ASMT: variants seen among roughly 807,000 people sequenced by gnomAD.
ASMT encodes acetylserotonin N-methyltransferase.
In ASMT, 53 loss-of-function variants were observed where a neutral mutation model predicts 41.3. That is an observed-to-expected ratio of 1.28 (90% CI 1.03 to 1.61). The LOEUF (loss-of-function observed/expected upper bound fraction) is 1.61. Among genes scored for constraint, ASMT ranks in the 40% most tolerant of loss-of-function variants. The pLI, the probability that ASMT is intolerant of heterozygous loss-of-function variation, is 0.00. For synonymous variants in ASMT, 231 were observed against 184.8 expected, an observed-to-expected ratio of 1.25 and a Z score of -2.03; for missense variants, 531 against 441.3, an observed-to-expected ratio of 1.20 and a Z score of -1.82.
In ASMT at chrX:1,641,352, T is replaced by G. The variant is rs191254276; in HGVS notation, c.911-1451T>G. Among the ~76,000 whole-genome samples the G allele has an allele frequency of 8.9e-3, 909 of 101,872 alleles. 143 individuals carry two copies. Among genetic ancestry groups the G allele is most frequent in the Admixed American group, 0.015 (126 of 8,546 alleles). The allele number at this position is 101,872 out of a possible 152,430, so 66.8% of individuals were successfully genotyped here. A position where few individuals can be genotyped will look rare whatever the true frequency, so the allele number is the denominator to read the frequency against. ...GATCCATTAGGATGTGGACACAGCC[T>G]CTGTGTGTGTGATAGGGACCATGTC... On this transcript the variant is annotated intron_variant, in intron 8 of 8. Transcript: ENST00000381241.
intron 1 of ASMT, among the ~76,000 whole-genome samples, chrX:1,620,758 G>T (rs180915084): frequency 1.3e-5 from 2 of 152,116 alleles, no homozygotes; most frequent in East Asian, 3.9e-4. Flanking sequence ...GCATGGTGGC[G>T]GGCACCTGTA....
chrX:1,623,989 G>GT (rs1434301323), intron 2 of ASMT, among the ~76,000 whole-genome samples: 1 of 152,048 alleles, frequency 6.6e-6, no homozygotes, highest in Non-Finnish European at 1.5e-5. Flanking sequence ...TGTAACGTAC[G>GT]TTTCCTCTCG....
chrX:1,624,368 G>A lies in ASMT; in HGVS notation c.344G>A (p.Arg115Gln), dbSNP rs780967376. ...MLKYMGRTSY[R>Q]CWGHLADAVR... is the part of the protein sequence containing the mutation. The stretch of plus-strand genomic sequence containing the variant: ...AAGTACATGGGCAGGACCAGCTACC[G>A]GTGCTGGGGCCACCTGGCAGACGCC... The change falls in exon 3 of 9, where the codon CGG (arginine) becomes CAG (glutamine). Residue 115 changes from arginine (R) to glutamine (Q), a missense_variant. Coordinates refer to ENST00000381241, the MANE Select transcript of ASMT (RefSeq NM_001171038.2). 8.1e-6 allele frequency: 13 copies of A among 1,613,754 alleles called. No homozygotes were observed. Among genetic ancestry groups the A allele is most frequent in the South Asian group, 4.4e-5 (4 of 91,066 alleles).
chrX:1,623,984 C>T (rs1467887922), intron 2 of ASMT, among the ~76,000 whole-genome samples: 3 of 152,130 alleles, frequency 2.0e-5, no homozygotes, highest in Admixed American at 6.6e-5. Context: ...TGGAATGTAA[C>T]GTACGTTTCC....
intron 1 of ASMT, among the ~76,000 whole-genome samples, chrX:1,618,522 A>C (rs1934220258): frequency 6.7e-6 from 1 of 149,642 alleles, no homozygotes; most frequent in Non-Finnish European, 1.5e-5. Flanking sequence ...CTGGTCTTGA[A>C]CTCCTGACCT....
Position 1,642,886 on chromosome X carries a change from C to T in ASMT, c.994C>T (p.Leu332Phe), listed in dbSNP as rs201741679. 7 of 1,613,992 alleles carry T rather than the reference C, an allele frequency of 4.3e-6. No homozygotes were observed. The highest frequency in any genetic ancestry group is 5.1e-6 in the Non-Finnish European group (6 of 1,179,864). Reference protein sequence around the residue: ...LLTQLYSLNMLVQTEGQERTP... With the variant: ...LLTQLYSLNMFVQTEGQERTP... ...CACGCAGCTCTACTCTCTGAACATGCTTGTGCAGACGGAAGGGCAGGAGAG... is the reference window on the plus strand; with the variant it reads ...CACGCAGCTCTACTCTCTGAACATGTTTGTGCAGACGGAAGGGCAGGAGAG... The change falls in exon 9 of 9, where the codon CTT becomes TTT. Residue 332 changes from leucine to phenylalanine, a missense_variant. Transcript: ENST00000381241.
chrX:1,623,440 ATAC>A, intron 2 of ASMT, 127 bp downstream of exon 2: 1 of 1,247,420 alleles, frequency 8.0e-7, no homozygotes, highest in Non-Finnish European at 1.1e-6. Context: ...ACTAAAAAAA[ATAC>A]AAAAAATTAG....
chrX:1,619,170 C>T (rs1404076588), intron 1 of ASMT, among the ~76,000 whole-genome samples: 11 of 151,874 alleles, frequency 7.2e-5, no homozygotes, highest in East Asian at 1.9e-4. Flanking sequence ...CCGAGGCGGG[C>T]GGATCACAAG....
At chrX:1,629,791 C>T (rs774412444) in intron 4 of ASMT, 30 bp from the exon 5 acceptor site, 3 of 1,605,128 alleles carry the variant, frequency 1.9e-6, no homozygotes, top group East Asian at 2.2e-5. Context: ...AGATCCTCAC[C>T]ATCTTGACAA....
chrX:1,642,999 T>C lies in ASMT; in HGVS notation c.1107T>C (p.Ile369=). 6.2e-7 allele frequency: 1 copy of C among 1,613,976 alleles called. No homozygotes were observed. The highest frequency in any genetic ancestry group is 8.5e-7 in the Non-Finnish European group (1 of 1,179,864). The change falls in exon 9 of 9, where the codon ATT becomes ATC. Residue 369 remains isoleucine, a synonymous_variant. Coordinates refer to ENST00000381241, the MANE Select transcript of ASMT (RefSeq NM_001171038.2). The stretch of plus-strand genomic sequence containing the variant: ...AAACAGGAGCCATTTATGATGCCAT[T>C]TTAGCCAGGAAATAACTGTTTCTTG... ...FKKTGAIYDA[I]LARK is the part of the protein sequence containing the mutation.
At chrX:1,630,461 C>A (rs1212190640) in intron 5 of ASMT, among the ~76,000 whole-genome samples, 3 of 152,054 alleles carry the variant, frequency 2.0e-5, no homozygotes, top group Non-Finnish European at 4.4e-5. Context: ...GCGCACCACT[C>A]TGTCAGGCTA....
rs191790615 is a variant in ASMT at position 1,642,754 on chromosome X, T to A, written c.911-49T>A. 2.2e-4 allele frequency: 342 copies of A among 1,568,340 alleles called. 4 individuals are homozygous for A. In the East Asian group the frequency reaches 7.5e-3, roughly 35 times the overall value. On this transcript the variant is annotated intron_variant, in intron 8 of 8. Transcript: ENST00000381241. Reference sequence around the variant, plus strand: ...ATGGTTCACTGGGACTTTGGCACAGTCTGTCTGTGTGTTTGTGTGTGATGT... The same window carrying A: ...ATGGTTCACTGGGACTTTGGCACAGACTGTCTGTGTGTTTGTGTGTGATGT...
intron 8 of ASMT, among the ~76,000 whole-genome samples, chrX:1,641,533 G>T (rs1290783955): frequency 4.7e-5 from 7 of 149,014 alleles, no homozygotes; most frequent in African/African-American, 1.7e-4. Context: ...TGTGTGTTGG[G>T]GACAGTGTCC....
chrX:1,633,367 A>G, intron 7 of ASMT, 77 bp downstream of exon 7: 1 of 1,586,688 alleles, frequency 6.3e-7, no homozygotes, highest in East Asian at 2.2e-5. Flanking sequence ...TGGGAAATGA[A>G]GAAGATGTGA....
intron 1 of ASMT, among the ~76,000 whole-genome samples, chrX:1,617,686 G>A (rs1934187883): frequency 6.6e-6 from 1 of 150,744 alleles, no homozygotes; most frequent in Non-Finnish European, 1.5e-5. Flanking sequence ...CGCTATCTCG[G>A]CTCACTGCAA....
rs756221219 is a variant in ASMT, at chrX:1,636,463, G to A, written c.813G>A (p.Pro271=). Residue 271 remains proline (P), a synonymous_variant, in exon 8 of 9, where the codon CCG becomes CCA. Coordinates refer to ENST00000381241, the MANE Select transcript of ASMT (RefSeq NM_001171038.2). ...GGGATTTCTTCAAAGACCCTCTTCC[G>A]GAAGCTGATCTGTACATCCTGGCCA... The part of the protein sequence containing the change: ...QEGDFFKDPL[P]EADLYILARV... 7.4e-5 allele frequency: 119 copies of A among 1,613,876 alleles called. No individual in the cohort carries two copies. Among genetic ancestry groups the A allele is most frequent in the South Asian group, 2.6e-4 (24 of 91,076 alleles).
chrX:1,621,538 G>A (rs1280607603), intron 1 of ASMT, among the ~76,000 whole-genome samples: 1 of 152,004 alleles, frequency 6.6e-6, no homozygotes, highest in Non-Finnish European at 1.5e-5. Flanking sequence ...GGTTAGCCCT[G>A]AACTCCTGAC....
chrX:1,642,904 C>G lies in ASMT; in HGVS notation c.1012C>G (p.Gln338Glu). The G allele has an allele frequency of 6.2e-7, 1 of 1,613,968 alleles. No individual in the cohort carries two copies. The part of the protein sequence containing the change: ...SLNMLVQTEG[Q>E]ERTPTHYHML... Reference sequence around the variant, plus strand: ...GAACATGCTTGTGCAGACGGAAGGGCAGGAGAGGACCCCCACCCACTACCA... The same window carrying G: ...GAACATGCTTGTGCAGACGGAAGGGGAGGAGAGGACCCCCACCCACTACCA... Residue 338 changes from glutamine to glutamate, a missense_variant, in exon 9 of 9, where the codon CAG becomes GAG. Physicochemically the swap from Gln to Glu is conservative, Grantham distance 29. Transcript: ENST00000381241.
chrX:1,623,584 G>A (rs1201425539), intron 2 of ASMT, among the ~76,000 whole-genome samples: 3 of 152,154 alleles, frequency 2.0e-5, no homozygotes, highest in Admixed American at 6.5e-5. Context: ...GGGCGACAGA[G>A]CGAGACTCCA....
Sources: allele counts gnomAD v4.1 joint callset (sites outside exome capture counted in the v4.1 genomes callset), GRCh38; gene constraint gnomAD v4.1.1; transcripts MANE v1.5; gene names NCBI Gene and HGNC (gene_info 2026-07-23, HGNC 2026-07-21).